The following HPS3 variants were observed in gnomAD, a reference collection of about 807,000 sequenced individuals.
The protein encoded by HPS3 is BLOC-2 complex member HPS3.
In HPS3, 79 loss-of-function variants were observed where a neutral mutation model predicts 110.9. That is an observed-to-expected ratio of 0.71 (90% CI 0.59 to 0.86). The LOEUF (loss-of-function observed/expected upper bound fraction) is 0.86, where lower values mean the gene tolerates loss of function less well. HPS3 is among the 40% of genes least tolerant of loss of function. The probability of loss-of-function intolerance (pLI) is 0.00; values close to 1 mark genes in which losing one functional copy is unlikely to be tolerated. For synonymous variants in HPS3, 428 were observed against 451.0 expected (o/e 0.95, Z 0.65); for missense variants, 1,197 against 1,206.2 (o/e 0.99, Z 0.11).
chr3:149,136,021 A>G (rs1251672498), intron 1 of HPS3, among the ~76,000 whole-genome samples: 1 of 152,212 alleles, frequency 6.6e-6, no homozygotes, highest in Non-Finnish European at 1.5e-5. Flanking sequence ...ATCTTGCTAC[A>G]TAAAAGGGAA....
At chr3:149,145,837 A>G (rs1463660114) in intron 5 of HPS3, among the ~76,000 whole-genome samples, 2 of 152,240 alleles carry the variant, frequency 1.3e-5, no homozygotes, top group African/African-American at 2.4e-5. Flanking sequence ...TGAAAAGTCA[A>G]TGCAGCCAGT....
chr3:149,132,503 G>A (rs1463830604), intron 1 of HPS3, among the ~76,000 whole-genome samples: 1 of 152,174 alleles, frequency 6.6e-6, no homozygotes, highest in African/African-American at 2.4e-5. Flanking sequence ...TTGATCTACT[G>A]CTCAGAAAAC....
rs113015797 is a variant in HPS3, at chr3:149,172,318, TCACACA to T, written c.*129_*134del. On this transcript the variant is annotated 3_prime_UTR_variant, in exon 17 of 17. Coordinates refer to ENST00000296051, the MANE Select transcript of HPS3 (RefSeq NM_032383.5). ...GTAGAGGAGTTTTTTATTTTATATATCACACACACACACACACACACACACACACAC... is the reference window on the plus strand; with the variant it reads ...GTAGAGGAGTTTTTTATTTTATATATCACACACACACACACACACACACAC... 1.8e-3 allele frequency: 1,003 copies of T among 571,810 alleles called. 1 individual carries two copies. The highest frequency in any genetic ancestry group is 6.0e-3 in the African/African-American group (296 of 49,516). The allele number at this position is 571,810 out of a possible 1,614,324, so 35.4% of individuals were successfully genotyped here.
chr3:149,132,610 CCTGCT>C (rs1175094379), intron 1 of HPS3, among the ~76,000 whole-genome samples: 1 of 152,202 alleles, frequency 6.6e-6, no homozygotes, highest in Non-Finnish European at 1.5e-5. Context: ...TGTTTTTATG[CCTGCT>C]AACACAGCAT....
intron 6 of HPS3, among the ~76,000 whole-genome samples, 153 bp from the exon 7 acceptor site, chr3:149,153,341 G>A (rs550687089): frequency 1.3e-5 from 2 of 152,310 alleles, no homozygotes; most frequent in Admixed American, 6.5e-5. Flanking sequence ...AGGAATCTGG[G>A]TTGGTCTTTT....
chr3:149,137,925 G>A (rs190057139), intron 1 of HPS3, among the ~76,000 whole-genome samples: 150 of 152,256 alleles, frequency 9.9e-4, no homozygotes, highest in African/African-American at 3.5e-3. Flanking sequence ...AGATACCAGT[G>A]CCACTGATCT....
chr3:149,156,729 G>A (rs1289173561), intron 8 of HPS3, among the ~76,000 whole-genome samples: 1 of 152,012 alleles, frequency 6.6e-6, no homozygotes, highest in East Asian at 1.9e-4. Context: ...TCAAGGTGTT[G>A]CCTGATTTGT....
chr3:149,148,798 C>T (rs538137785), intron 5 of HPS3, among the ~76,000 whole-genome samples: 1 of 152,164 alleles, frequency 6.6e-6, no homozygotes, highest in African/African-American at 2.4e-5. Context: ...TGTTCAGCAA[C>T]TTGCTATTTT....
intron 10 of HPS3, among the ~76,000 whole-genome samples, chr3:149,159,444 T>C (rs1268760494): frequency 6.6e-6 from 1 of 152,154 alleles, no homozygotes; most frequent in Non-Finnish European, 1.5e-5. Context: ...ACACCTGTAG[T>C]TCCAGCTACT....
rs1370989576 is a variant in HPS3 at position 149,129,707 on chromosome 3, T to G, written c.-17T>G. 1 of 1,561,992 alleles carries G rather than the reference T, an allele frequency of 6.4e-7. No individual in the cohort carries two copies. The highest frequency in any genetic ancestry group is 1.4e-5 in the African/African-American group (1 of 73,078). ...CCTGCAGGGCGGGCAGGCTGTGCCA[T>G]CCCGCCGGACGTCGGGATGGTGCAG... is the stretch of plus-strand genomic sequence containing the variant. On this transcript the variant is annotated 5_prime_UTR_variant, in exon 1 of 17. Coordinates refer to ENST00000296051, the MANE Select transcript of HPS3 (RefSeq NM_032383.5).
At chr3:149,161,642 T>C (rs1206796739) in intron 11 of HPS3, among the ~76,000 whole-genome samples, 1 of 151,708 alleles carries the variant, frequency 6.6e-6, no homozygotes, top group African/African-American at 2.4e-5. Flanking sequence ...CCCAAGTAGC[T>C]GGGATTACAG....
At chr3:149,170,800 A>G (rs900594069) in intron 16 of HPS3, among the ~76,000 whole-genome samples, 5 of 152,208 alleles carry the variant, frequency 3.3e-5, no homozygotes, top group African/African-American at 4.8e-5. Flanking sequence ...TGGGCATGCA[A>G]CGATCACACA....
Position 149,162,956 on chromosome 3 carries a change from AT to A in HPS3, c.2481+80del, listed in dbSNP as rs1426596455. On this transcript the variant is annotated intron_variant, in intron 13 of 16. Coordinates refer to ENST00000296051, the MANE Select transcript of HPS3 (RefSeq NM_032383.5). The stretch of plus-strand genomic sequence containing the variant: ...AAACATACCTTATTTTTAATAACTT[AT>A]TATAAAATCTAACCTAGTTTTCTAT... 3.0e-5 allele frequency: 36 copies of A among 1,214,522 alleles called. No homozygotes were observed. The East Asian group carries it at 8.7e-4, about 29-fold the overall frequency. 75.2% of individuals were successfully genotyped at this position (1,214,522 alleles called of 1,614,324 possible). A position where few individuals can be genotyped will look rare whatever the true frequency, so the allele number is the denominator to read the frequency against.
chr3:149,161,908 A>G (rs1355378671), intron 11 of HPS3, among the ~76,000 whole-genome samples: 1 of 152,228 alleles, frequency 6.6e-6, no homozygotes, highest in Non-Finnish European at 1.5e-5. Context: ...AGACCTAAAT[A>G]TAAAGCTCTC....
intron 4 of HPS3, among the ~76,000 whole-genome samples, chr3:149,141,784 G>A (rs1302665478): frequency 1.3e-5 from 2 of 151,762 alleles, no homozygotes; most frequent in East Asian, 1.9e-4. Flanking sequence ...ATCTGCCTGT[G>A]TTGGCCTCCC....
intron 4 of HPS3, among the ~76,000 whole-genome samples, chr3:149,142,333 GCTT>G (rs1259793483): frequency 6.6e-6 from 1 of 152,222 alleles, no homozygotes; most frequent in Non-Finnish European, 1.5e-5. Context: ...ATTTGGCCAA[GCTT>G]CTTATGATTG....
intron 2 of HPS3, 51 bp downstream of exon 2, chr3:149,140,549 T>A (rs1348776310): frequency 1.2e-6 from 2 of 1,601,192 alleles, no homozygotes; most frequent in African/African-American, 1.3e-5. Context: ...TAGAAAACCT[T>A]CACCTTTGGC....
chr3:149,148,997 A>G (rs1341219365), intron 5 of HPS3, among the ~76,000 whole-genome samples: 1 of 126,492 alleles, frequency 7.9e-6, no homozygotes, highest in African/African-American at 3.0e-5. Flanking sequence ...TCTGTCACCC[A>G]GGCTGGAGTG....
chr3:149,167,514 G>C (rs995836555), intron 15 of HPS3, among the ~76,000 whole-genome samples: 1 of 152,088 alleles, frequency 6.6e-6, no homozygotes, highest in African/African-American at 2.4e-5. Context: ...GTGTATGATG[G>C]GAAAATATTT....
Sources: allele counts gnomAD v4.1 joint callset (sites outside exome capture counted in the v4.1 genomes callset), GRCh38; gene constraint gnomAD v4.1.1; transcripts MANE v1.5; gene names NCBI Gene and HGNC (gene_info 2026-07-23, HGNC 2026-07-21).